The following NELL1 variants were observed in gnomAD, a reference collection of about 807,000 sequenced individuals.
NELL1 encodes the protein protein kinase C-binding protein NELL1.
Under a neutral mutation model 107.4 loss-of-function variants are expected in NELL1, and 76 were observed. That is an observed-to-expected ratio of 0.71 (90% confidence interval 0.59 to 0.86). The LOEUF is 0.86. Among genes scored for constraint, NELL1 ranks in the 40% least tolerant of loss-of-function variants. NELL1 has a pLI of 0.00. For missense variants in NELL1, 1,024 were observed against 1,005.5 expected (o/e 1.02, Z -0.25); for synonymous variants, 353 against 341.2 (o/e 1.03, Z -0.38).
chr11:21,161,944 CTTTTTTT>C (rs34422649), intron 13 of NELL1, among the ~76,000 whole-genome samples: 5 of 83,058 alleles, frequency 6.0e-5, no homozygotes, highest in South Asian at 5.7e-4. Context: ...GGAACATAAT[CTTTTTTT>C]TTTTTTTTTT....
At chr11:21,223,048 A>G (rs185198262) in intron 13 of NELL1, among the ~76,000 whole-genome samples, 1 of 152,206 alleles carries the variant, frequency 6.6e-6, no homozygotes, top group African/African-American at 2.4e-5. Flanking sequence ...AATGTCTTTT[A>G]TGTCTATTTG....
chr11:20,750,279 TA>T (rs1856102656), intron 2 of NELL1, among the ~76,000 whole-genome samples: 2 of 152,150 alleles, frequency 1.3e-5, no homozygotes, highest in South Asian at 4.1e-4. Flanking sequence ...TATTATTATT[TA>T]AAAAATGGAC....
chr11:21,409,552 G>A (rs1852324374), intron 15 of NELL1, among the ~76,000 whole-genome samples: 1 of 151,344 alleles, frequency 6.6e-6, no homozygotes, highest in Admixed American at 6.6e-5. Context: ...TGCATATTGT[G>A]CACATGTACC....
intron 5 of NELL1, among the ~76,000 whole-genome samples, chr11:20,892,809 A>G (rs12226652): frequency 0.65 from 99,008 of 151,790 alleles, 34,011 homozygotes; most frequent in Non-Finnish European, 0.78. Flanking sequence ...CGCGCCAGTA[A>G]TCTCAGCTAC....
intron 2 of NELL1, among the ~76,000 whole-genome samples, chr11:20,736,883 T>TC (rs1156953578): frequency 6.6e-6 from 1 of 151,730 alleles, no homozygotes; most frequent in Non-Finnish European, 1.5e-5. Flanking sequence ...GCCTCCCGAG[T>TC]AGCTGGGATT....
intron 12 of NELL1, among the ~76,000 whole-genome samples, chr11:20,966,016 G>A (rs542798089): frequency 6.6e-6 from 1 of 152,278 alleles, no homozygotes; most frequent in African/African-American, 2.4e-5. Flanking sequence ...TTTATAAAAT[G>A]TGTGAACATC....
intron 16 of NELL1, among the ~76,000 whole-genome samples, chr11:21,545,578 AAAC>A (rs1386543327): frequency 6.6e-6 from 1 of 152,032 alleles, no homozygotes; most frequent in African/African-American, 2.4e-5. Flanking sequence ...ATTTTTTGGA[AAAC>A]AAGCAACAGG....
At chr11:21,408,096 G>A (rs572265263) in intron 15 of NELL1, among the ~76,000 whole-genome samples, 4 of 152,058 alleles carry the variant, frequency 2.6e-5, no homozygotes, top group Non-Finnish European at 4.4e-5. Context: ...CTCATGGAGA[G>A]CAGCATGAGT....
Position 21,330,802 on chromosome 11 carries a change from AT to A in NELL1, c.1550-40046del, listed in dbSNP as rs542784865. Among the ~76,000 whole-genome samples, 7 of 152,088 alleles carry A rather than the reference AT, an allele frequency of 4.6e-5. No individual in the cohort carries two copies. In the South Asian group the frequency reaches 1.5e-3, roughly 32 times the overall value. ...GTATTAACCATTATTTATTAAAAAT[AT>A]TTTTGTTCCTTTCTGTTTTTTCTCT... On this transcript the variant is annotated intron_variant, in intron 14 of 19. Transcript: ENST00000357134.
chr11:21,480,377 A>C (rs1854462363), intron 15 of NELL1, among the ~76,000 whole-genome samples: 1 of 152,200 alleles, frequency 6.6e-6, no homozygotes, highest in Non-Finnish European at 1.5e-5. Context: ...GAGAAGTTAC[A>C]GCAGCAGGAC....
chr11:21,281,646 T>C (rs1848996960), intron 14 of NELL1, among the ~76,000 whole-genome samples: 1 of 152,080 alleles, frequency 6.6e-6, no homozygotes, highest in South Asian at 2.1e-4. Flanking sequence ...ATAGTTCCAG[T>C]GGTGGTAGCC....
chr11:20,822,719 GA>G (rs1360452937), intron 3 of NELL1, among the ~76,000 whole-genome samples: 1 of 152,138 alleles, frequency 6.6e-6, no homozygotes, highest in East Asian at 1.9e-4. Flanking sequence ...AGGTGTCCAG[GA>G]GTAGAAAAAC....
rs111294039 is a variant in NELL1, at chr11:20,884,759, A to G, written c.507-685A>G. ...GATTTTCTTCATATATAGAATTTTTATCTTACTTTTCCTCCATGAGAGTGG... is the reference window on the plus strand; with the variant it reads ...GATTTTCTTCATATATAGAATTTTTGTCTTACTTTTCCTCCATGAGAGTGG... On this transcript the variant is annotated intron_variant, in intron 4 of 19. Coordinates refer to ENST00000357134, the MANE Select transcript of NELL1 (RefSeq NM_006157.5). 7.5e-3 allele frequency among the ~76,000 whole-genome samples: 1,142 copies of G among 152,270 alleles called. 16 individuals are homozygous for G. Among genetic ancestry groups the G allele is most frequent in the African/African-American group, 0.026 (1,081 of 41,538 alleles).
At chr11:21,355,548 C>T (rs187692949) in intron 14 of NELL1, among the ~76,000 whole-genome samples, 2 of 152,172 alleles carry the variant, frequency 1.3e-5, no homozygotes, top group South Asian at 4.1e-4. Flanking sequence ...GAAACCAGGA[C>T]TAGAAGATAG....
intron 3 of NELL1, among the ~76,000 whole-genome samples, chr11:20,791,730 G>GT (rs368213562): frequency 0.4 from 31,393 of 79,212 alleles, 4,018 homozygotes; most frequent in South Asian, 0.49. Flanking sequence ...CAGTCTGGAG[G>GT]TTTTTTTTTT....
At chr11:20,957,274 A>G (rs1851194657) in intron 11 of NELL1, among the ~76,000 whole-genome samples, 1 of 152,224 alleles carries the variant, frequency 6.6e-6, no homozygotes, top group Non-Finnish European at 1.5e-5. Context: ...ATGGAGGTCT[A>G]GAGGAGAAAA....
At chr11:20,730,700 G>A (rs904573106) in intron 2 of NELL1, among the ~76,000 whole-genome samples, 5 of 152,128 alleles carry the variant, frequency 3.3e-5, no homozygotes, top group African/African-American at 1.2e-4. Context: ...TGTGCTTCAG[G>A]GTGAAAGCCA....
rs1399424077 is a variant in NELL1 at position 21,056,816 on chromosome 11, T to G, written c.1301-56773T>G. Among the ~76,000 whole-genome samples, 12 of 152,128 alleles carry G rather than the reference T, an allele frequency of 7.9e-5. 1 individual carries two copies. The highest frequency in any genetic ancestry group is 7.9e-4 in the Admixed American group (12 of 15,254). On this transcript the variant is annotated intron_variant, in intron 12 of 19. Transcript: ENST00000357134. ...GAACATGAAAGTATATTAGAGATTA[T>G]CTAGCACAGATAAGGAAACTGAAGC...
chr11:20,994,965 A>C (rs993175683), intron 12 of NELL1, among the ~76,000 whole-genome samples: 1 of 152,186 alleles, frequency 6.6e-6, no homozygotes, highest in Non-Finnish European at 1.5e-5. Flanking sequence ...AGCCATTTTC[A>C]TATTTCCACC....
Sources: allele counts gnomAD v4.1 joint callset (sites outside exome capture counted in the v4.1 genomes callset), GRCh38; gene constraint gnomAD v4.1.1; transcripts MANE v1.5; gene names NCBI Gene and HGNC (gene_info 2026-07-23, HGNC 2026-07-21).